Variants in TTF1 observed in about 807,000 individuals in gnomAD.
The protein encoded by TTF1 is transcription termination factor, RNA polymerase I.
In TTF1, 64 loss-of-function variants were observed where a neutral mutation model predicts 80.2. The ratio of observed to expected loss-of-function variants is 0.80; its 90% CI spans 0.65 to 0.98. The LOEUF is 0.98. Among genes scored for constraint, TTF1 ranks in the 50% least tolerant of loss-of-function variants. The pLI is 0.00. For synonymous variants in TTF1, 372 were observed against 382.7 expected (o/e 0.97, Z 0.33); for missense variants, 1,023 against 1,086.2 (o/e 0.94, Z 0.82).
chr9:132,376,309 C>T, intron 10 of TTF1, 141 bp from the exon 11 acceptor site: 1 of 930,842 alleles, frequency 1.1e-6, no homozygotes, highest in Non-Finnish European at 1.6e-6. Flanking sequence ...TTGGTTTACC[C>T]ACATTCACTT....
intron 6 of TTF1, among the ~76,000 whole-genome samples, chr9:132,391,112 G>A (rs1589821280): frequency 1.3e-5 from 2 of 151,982 alleles, no homozygotes; most frequent in East Asian, 3.9e-4. Context: ...TTCTGAGAAC[G>A]TCTCCCGCAT....
Position 132,388,194 on chromosome 9 carries a change from G to C in TTF1, c.2257C>G (p.Arg753Gly), listed in dbSNP as rs746080585. The C allele has an allele frequency of 6.2e-7, 1 of 1,610,884 alleles. No homozygotes were observed. The highest frequency in any genetic ancestry group is 1.3e-5 in the African/African-American group (1 of 75,000). ...EILTKRMTNG[R>G]RIYYGMNALR... ...GCATTCATGCCATAGTAGATACGCCGACCATTAGTCATCCTCTTGGTTAGA... is the reference window on the plus strand; with the variant it reads ...GCATTCATGCCATAGTAGATACGCCCACCATTAGTCATCCTCTTGGTTAGA... Residue 753 changes from arginine (R) to glycine (G), a missense_variant, in exon 8 of 11, where the codon CGG becomes GGG. Transcript: ENST00000334270.
chr9:132,398,687 TG>T (rs1222683572), intron 3 of TTF1, among the ~76,000 whole-genome samples: 1 of 152,142 alleles, frequency 6.6e-6, no homozygotes, highest in African/African-American at 2.4e-5. Context: ...CTTGAACTCC[TG>T]GGCTCAAGTG....
rs748310514 is a variant in TTF1, at chr9:132,396,422, T to G, written c.1856+11A>C. 17 of 1,613,822 alleles carry G rather than the reference T, an allele frequency of 1.1e-5. No homozygotes were observed. Among genetic ancestry groups the G allele is most frequent in the Non-Finnish European group, 1.4e-5 (17 of 1,179,682 alleles). ...AAATGTTGTCTCAAGCTGCTAAGAC[T>G]TTTTTCTTACCTGCCTTTGTAATTG... On this transcript the variant is annotated intron_variant, in intron 5 of 10. Transcript: ENST00000334270.
At chr9:132,405,773 C>T (rs1849855125) in intron 1 of TTF1, among the ~76,000 whole-genome samples, 1 of 152,230 alleles carries the variant, frequency 6.6e-6, no homozygotes, top group Non-Finnish European at 1.5e-5. Context: ...CCTCTCACTT[C>T]TCTCTAGGTT....
intron 5 of TTF1, 130 bp from the exon 6 acceptor site, chr9:132,392,336 C>CCT (rs1849574931): frequency 9.4e-7 from 1 of 1,058,744 alleles, no homozygotes; most frequent in South Asian, 1.6e-5. Flanking sequence ...CGGTCACAGC[C>CCT]CTCTTCACTT....
At position 132,402,471 on chromosome 9, in the gene TTF1, CT is replaced by C; in HGVS notation, c.350del (p.Lys117SerfsTer14). ...CAACATCAACATCCTTTCTAAAATG[CT>C]TTGGTGTGTTGTTAATATTTTCTTT... ...VDKENINNTP[K>X]HFRKDVDVVC... On this transcript the variant is annotated frameshift_variant, in exon 2 of 11. Coordinates refer to ENST00000334270, the MANE Select transcript of TTF1 (RefSeq NM_007344.4). LOFTEE classifies it high-confidence loss of function. 1 of 1,614,186 alleles carries C rather than the reference CT, an allele frequency of 6.2e-7. No homozygotes were observed. The highest frequency in any genetic ancestry group is 8.5e-7 in the Non-Finnish European group (1 of 1,180,042).
chr9:132,391,714 C>A (rs1589821593), intron 6 of TTF1, among the ~76,000 whole-genome samples: 1 of 152,290 alleles, frequency 6.6e-6, no homozygotes, highest in East Asian at 1.9e-4. Context: ...AAAGTCCCCG[C>A]CTGACGGGCA....
At chr9:132,378,422 T>G (rs1335098431) in intron 10 of TTF1, among the ~76,000 whole-genome samples, 2 of 100,616 alleles carry the variant, frequency 2.0e-5, no homozygotes, top group Non-Finnish European at 3.9e-5. Context: ...GTGGTGTGAG[T>G]GCATGTGGTG....
intron 6 of TTF1, among the ~76,000 whole-genome samples, chr9:132,391,818 T>C (rs563958646): frequency 6.6e-6 from 1 of 152,232 alleles, no homozygotes; most frequent in African/African-American, 2.4e-5. Context: ...TTTATTGGGG[T>C]CCTGGTCCAC....
intron 4 of TTF1, 72 bp downstream of exon 4, chr9:132,398,069 A>G: frequency 2.2e-6 from 3 of 1,367,614 alleles, no homozygotes; most frequent in African/African-American, 2.9e-5. Context: ...CCGTGCTAAC[A>G]CTTACCATGG....
chr9:132,379,024 A>G, intron 10 of TTF1, 35 bp downstream of exon 10: 1 of 1,507,310 alleles, frequency 6.6e-7, no homozygotes, highest in Non-Finnish European at 9.0e-7. Flanking sequence ...ACCAAATGCC[A>G]TGTTCTTAGC....
chr9:132,401,887 G>C lies in TTF1; in HGVS notation c.935C>G (p.Pro312Arg). 6.2e-7 allele frequency: 1 copy of C among 1,610,734 alleles called. No homozygotes were observed. Among genetic ancestry groups the C allele is most frequent in the Non-Finnish European group, 8.5e-7 (1 of 1,178,772 alleles). Reference protein sequence around the residue: ...EVGADMQESRPAVGLHGETAG... With the variant: ...EVGADMQESRRAVGLHGETAG... ...AGTTTCACCATGCAGGCCCACAGCA[G>C]GCCGGGATTCCTGCATATCAGCCCC... Residue 312 changes from proline to arginine, a missense_variant, in exon 2 of 11, where the codon CCT becomes CGT. Pro to Arg is a moderately radical substitution (Grantham distance 103, BLOSUM62 -2). Coordinates refer to ENST00000334270, the MANE Select transcript of TTF1 (RefSeq NM_007344.4).
chr9:132,397,964 C>T (rs1318143559), intron 4 of TTF1, among the ~76,000 whole-genome samples, 177 bp downstream of exon 4: 2 of 150,584 alleles, frequency 1.3e-5, no homozygotes, highest in African/African-American at 4.9e-5. Context: ...CCAGCCTGGG[C>T]AACAGAACAA....
chr9:132,389,852 T>C (rs1030060360), intron 7 of TTF1, among the ~76,000 whole-genome samples: 2 of 152,228 alleles, frequency 1.3e-5, no homozygotes, highest in Admixed American at 1.3e-4. Flanking sequence ...GCCAGGAGCA[T>C]GCCTACCTCG....
chr9:132,380,778 G>A (rs112959930), intron 9 of TTF1, among the ~76,000 whole-genome samples: 79 of 152,268 alleles, frequency 5.2e-4, no homozygotes, highest in African/African-American at 1.9e-3. Context: ...TTGAGAGTAC[G>A]TAGTATTTCA....
In TTF1 at chr9:132,398,267, C is replaced by T; in HGVS notation, c.1651G>A (p.Val551Met). ...CCTGTCAGGGCTAGAAAGTCTTCCACATTTTTCTCTAACTGCTTATTTTCC... is the reference window on the plus strand; with the variant it reads ...CCTGTCAGGGCTAGAAAGTCTTCCATATTTTTCTCTAACTGCTTATTTTCC... ...VKENKQLEKN[V>M]EDFLALTGIE... Residue 551 changes from valine (V) to methionine (M), a missense_variant, in exon 4 of 11, where the codon GTG becomes ATG. Coordinates refer to ENST00000334270, the MANE Select transcript of TTF1 (RefSeq NM_007344.4). 1 of 1,609,368 alleles carries T rather than the reference C, an allele frequency of 6.2e-7. No homozygotes were observed. Among genetic ancestry groups the T allele is most frequent in the African/African-American group, 1.3e-5 (1 of 74,776 alleles).
At chr9:132,377,628 CATGTGGTGCGTGTGA>C (rs1267885665) in intron 10 of TTF1, among the ~76,000 whole-genome samples, 2 of 90,206 alleles carry the variant, frequency 2.2e-5, no homozygotes, top group African/African-American at 4.5e-5. Context: ...GGTGTGAGTG[CATGTGGTGCGTGTGA>C]ATGCATGTGG....
At chr9:132,401,071 T>C (rs1385913732) in intron 2 of TTF1, among the ~76,000 whole-genome samples, 2 of 152,222 alleles carry the variant, frequency 1.3e-5, no homozygotes, top group East Asian at 3.8e-4. Flanking sequence ...GGTTCACGCC[T>C]GTAATCCCAG....
Sources: gnomAD v4.1 joint callset for allele counts (sites outside exome capture counted in the v4.1 genomes callset) on GRCh38, gnomAD v4.1.1 for gene constraint, MANE v1.5 for transcripts, NCBI Gene and HGNC (gene_info 2026-07-23, HGNC 2026-07-21) for gene names.